Variants in DDX60 observed in about 807,000 individuals in gnomAD.
DDX60 encodes DExD/H-box helicase 60.
Under a neutral mutation model 212.8 loss-of-function variants are expected in DDX60, and 165 were observed. The observed-to-expected ratio is 0.78, with a 90% confidence interval of 0.68 to 0.88. The LOEUF is 0.88. Ranked by LOEUF, DDX60 falls within the 40% of genes least tolerant of loss-of-function variation. The probability of loss-of-function intolerance (pLI) is 0.00; values close to 1 mark genes in which losing one functional copy is unlikely to be tolerated. For missense variants in DDX60, 1,905 were observed against 2,003.9 expected (o/e 0.95, Z 0.94); for synonymous variants, 703 against 685.3 (o/e 1.03, Z -0.40).
upstream of DDX60, among the ~76,000 whole-genome samples, chr4:168,319,868 G>A (rs900705915): frequency 6.6e-6 from 1 of 152,198 alleles, no homozygotes; most frequent in African/African-American, 2.4e-5. Context: ...AGAGAGAGTA[G>A]TGAATGATAC....
At chr4:168,292,049 C>CTTTCTTTCTTTCCTTT (rs58664687) in intron 7 of DDX60, 143 bp from the exon 8 acceptor site, 28 of 303,592 alleles carry the variant, frequency 9.2e-5, no homozygotes, top group Non-Finnish European at 1.4e-4. Flanking sequence ...TTCTTTCTTT[C>CTTTCTTTCTTTCCTTT]TTTTTTTTTT....
intron 18 of DDX60, among the ~76,000 whole-genome samples, chr4:168,272,555 C>A (rs1459623364): frequency 2.0e-5 from 3 of 152,210 alleles, no homozygotes; most frequent in African/African-American, 7.2e-5. Context: ...GCAAGGCAGG[C>A]CTGATGGAGC....
chr4:168,280,263 A>C, intron 14 of DDX60, 72 bp downstream of exon 14: 1 of 1,525,658 alleles, frequency 6.6e-7, no homozygotes, highest in Non-Finnish European at 8.8e-7. Flanking sequence ...TCCAGTTAAC[A>C]AATGGCAACT....
intron 13 of DDX60, among the ~76,000 whole-genome samples, chr4:168,280,862 G>A (rs553872812): frequency 2.0e-5 from 3 of 152,272 alleles, no homozygotes; most frequent in African/African-American, 7.2e-5. Flanking sequence ...AAATGTTGCT[G>A]GGCGTGGTGA....
chr4:168,265,178 G>A (rs1217573194), intron 22 of DDX60, among the ~76,000 whole-genome samples: 1 of 152,186 alleles, frequency 6.6e-6, no homozygotes, highest in East Asian at 1.9e-4. Context: ...ACCATGGTTG[G>A]ATTCAGATCA....
intron 1 of DDX60, among the ~76,000 whole-genome samples, chr4:168,312,431 G>C (rs1390236467): frequency 6.6e-6 from 1 of 151,290 alleles, no homozygotes; most frequent in Admixed American, 6.6e-5. Flanking sequence ...GTGTAGATGA[G>C]CTTGCTTGGA....
intron 30 of DDX60, among the ~76,000 whole-genome samples, chr4:168,239,375 A>AAGATAGATAGAT (rs60160375): frequency 0.013 from 1,977 of 148,864 alleles, 21 homozygotes; most frequent in Middle Eastern, 0.017. Context: ...TGATAGAAGG[A>AAGATAGATAGAT]AGATAGATAG....
chr4:168,323,901 T>C, the DDX60 span, among the ~76,000 whole-genome samples: 1 of 152,180 alleles, frequency 6.6e-6, no homozygotes, highest in Non-Finnish European at 1.5e-5. Flanking sequence ...AGAGACACCC[T>C]GGTTAAAGGA....
chr4:168,255,795 CT>C lies in DDX60; in HGVS notation c.3472del (p.Arg1158GlyfsTer23). ...TFLKKKQETKRPPKADKEAHV... is the reference protein window; with the variant it reads ...TFLKKKQETKXPPKADKEAHV... ...GGCTTCTTTATCAGCTTTGGGAGGC[CT>C]TTTTGTCTCCTGCTTTTTCTTTAGG... On this transcript the variant is annotated frameshift_variant, in exon 26 of 38. Transcript: ENST00000393743. LOFTEE classifies it high-confidence loss of function. 6.2e-7 allele frequency: 1 copy of C among 1,609,186 alleles called. No homozygotes were observed. The highest frequency in any genetic ancestry group is 1.7e-4 in the Middle Eastern group (1 of 6,048).
chr4:168,307,068 G>A (rs1736915123), intron 4 of DDX60, among the ~76,000 whole-genome samples: 1 of 152,186 alleles, frequency 6.6e-6, no homozygotes, highest in Non-Finnish European at 1.5e-5. Context: ...AGAAAGCTGA[G>A]GTGAACCATT....
At chr4:168,311,116 G>T (rs769841103) in intron 2 of DDX60, 49 bp from the exon 3 acceptor site, 4 of 1,421,618 alleles carry the variant, frequency 2.8e-6, no homozygotes, top group Non-Finnish European at 3.9e-6. Context: ...TTTTCAATTG[G>T]TCCTTTTTAC....
intron 7 of DDX60, among the ~76,000 whole-genome samples, chr4:168,293,155 A>C (rs565027449): frequency 6.6e-6 from 1 of 152,296 alleles, no homozygotes; most frequent in East Asian, 1.9e-4. Flanking sequence ...ACTTAGAGAC[A>C]ACTGTATATT....
At chr4:168,310,550 G>C (rs1390266576) in intron 3 of DDX60, among the ~76,000 whole-genome samples, 2 of 152,156 alleles carry the variant, frequency 1.3e-5, no homozygotes, top group Non-Finnish European at 2.9e-5. Flanking sequence ...TTTTAAGCAG[G>C]TGGCATTACG....
At position 168,255,668 on chromosome 4, in the gene DDX60, A is replaced by T; in HGVS notation, c.3557+43T>A. The T allele has an allele frequency of 2.0e-6, 3 of 1,505,158 alleles. 1 individual carries two copies. Among genetic ancestry groups the T allele is most frequent in the Non-Finnish European group, 2.7e-6 (3 of 1,122,262 alleles). The allele number at this position is 1,505,158 out of a possible 1,614,324, so 93.2% of individuals were successfully genotyped here. A position where few individuals can be genotyped will look rare whatever the true frequency, so the allele number is the denominator to read the frequency against. On this transcript the variant is annotated intron_variant, in intron 26 of 37. Coordinates refer to ENST00000393743, the MANE Select transcript of DDX60 (RefSeq NM_017631.6). ...CGTTTCCTACTAGGACTTGGGGAGT[A>T]TTTTAACCCTCTACTTATCAATTTG...
At chr4:168,294,283 AC>A (rs1736245068) in intron 6 of DDX60, among the ~76,000 whole-genome samples, 2 of 152,194 alleles carry the variant, frequency 1.3e-5, no homozygotes, top group Admixed American at 6.5e-5. Context: ...AGACTTACAT[AC>A]AAGACTTGAA....
At position 168,252,381 on chromosome 4, in the gene DDX60, C is replaced by A. The variant is rs1040218190; in HGVS notation, c.3705+128G>T. 4 of 1,165,366 alleles carry A rather than the reference C, an allele frequency of 3.4e-6. No homozygotes were observed. The African/African-American group carries it at 6.4e-5, about 19-fold the overall frequency. 72.2% of individuals were successfully genotyped at this position (1,165,366 alleles called of 1,614,324 possible). ...TGATATGTAGCTAAAGGAGAGTTCT[C>A]TTTTGGTAGGGATTGTATTAATTAT... On this transcript the variant is annotated intron_variant, in intron 27 of 37. Coordinates refer to ENST00000393743, the MANE Select transcript of DDX60 (RefSeq NM_017631.6).
intron 22 of DDX60, among the ~76,000 whole-genome samples, chr4:168,264,163 T>C (rs555867527): frequency 1.2e-4 from 18 of 152,288 alleles, no homozygotes; most frequent in African/African-American, 4.1e-4. Flanking sequence ...CTGGTTCTAA[T>C]TGCACCTGTA....
chr4:168,282,561 T>C (rs1257834074), intron 13 of DDX60, among the ~76,000 whole-genome samples: 1 of 152,186 alleles, frequency 6.6e-6, no homozygotes, highest in Non-Finnish European at 1.5e-5. Flanking sequence ...TTGTGATTGG[T>C]TTTGTTAAGT....
intron 6 of DDX60, among the ~76,000 whole-genome samples, chr4:168,301,288 C>T (rs1173092118): frequency 1.3e-5 from 2 of 152,098 alleles, no homozygotes; most frequent in Non-Finnish European, 2.9e-5. Flanking sequence ...GTAGCAATGA[C>T]ACCCCAGTAG....
Sources: allele counts gnomAD v4.1 joint callset (sites outside exome capture counted in the v4.1 genomes callset), GRCh38; gene constraint gnomAD v4.1.1; transcripts MANE v1.5; gene names NCBI Gene and HGNC (gene_info 2026-07-23, HGNC 2026-07-21).